DPP6: variants seen among roughly 807,000 people sequenced by gnomAD.
DPP6 encodes dipeptidyl peptidase like 6, also known as A-type potassium channel modulatory protein DPP6.
Under a neutral mutation model 122.6 loss-of-function variants are expected in DPP6, and 69 were observed. The ratio of observed to expected loss-of-function variants is 0.56; its 90% CI spans 0.46 to 0.69. DPP6 has a LOEUF of 0.69. DPP6 is among the 30% of genes least tolerant of loss of function. The probability of loss-of-function intolerance (pLI) is 0.00; values close to 1 mark genes in which losing one functional copy is unlikely to be tolerated. For synonymous variants in DPP6, 418 were observed against 433.1 expected, an observed-to-expected ratio of 0.97 and a Z score of 0.43; for missense variants, 928 against 1,116.9, an observed-to-expected ratio of 0.83 and a Z score of 2.41.
At chr7:153,816,895 A>G in the DPP6 span, among the ~76,000 whole-genome samples, 1 of 152,120 alleles carries the variant, frequency 6.6e-6, no homozygotes, top group African/African-American at 2.4e-5. Context: ...CCAACTGTAG[A>G]GCTGAGAACA....
At chr7:154,362,210 G>A (rs950355534) in intron 1 of DPP6, among the ~76,000 whole-genome samples, 23 of 152,334 alleles carry the variant, frequency 1.5e-4, no homozygotes, top group African/African-American at 5.1e-4. Flanking sequence ...ATACCAATAT[G>A]AGAGATGCAG....
chr7:153,976,858 G>A (rs1446011359), intron 1 of DPP6, among the ~76,000 whole-genome samples: 1 of 152,168 alleles, frequency 6.6e-6, no homozygotes. Flanking sequence ...AGGGACATCG[G>A]GGCTGCCACT....
At chr7:154,789,191 A>G (rs1484528410) in intron 10 of DPP6, among the ~76,000 whole-genome samples, 1 of 152,234 alleles carries the variant, frequency 6.6e-6, no homozygotes, top group African/African-American at 2.4e-5. Flanking sequence ...TCTGGAAGAC[A>G]GTCTAACCCA....
chr7:154,137,240 C>T (rs1795601453), intron 1 of DPP6, among the ~76,000 whole-genome samples: 1 of 152,118 alleles, frequency 6.6e-6, no homozygotes, highest in Admixed American at 6.5e-5. Context: ...TTTGGGGCCA[C>T]CTCTTTGCAT....
intron 1 of DPP6, among the ~76,000 whole-genome samples, chr7:154,411,858 C>CG (rs1366456008): frequency 3.3e-5 from 5 of 152,082 alleles, no homozygotes; most frequent in Non-Finnish European, 7.3e-5. Context: ...GAAGTAGTCT[C>CG]GGGCTAGGTA....
intron 1 of DPP6, among the ~76,000 whole-genome samples, chr7:154,249,134 G>A (rs1802187215): frequency 6.6e-6 from 1 of 152,142 alleles, no homozygotes; most frequent in Admixed American, 6.5e-5. Context: ...CTGCTTTTTT[G>A]TTACCATTTC....
intron 7 of DPP6, among the ~76,000 whole-genome samples, chr7:154,716,162 A>G (rs1310602627): frequency 1.3e-5 from 2 of 152,100 alleles, no homozygotes; most frequent in Non-Finnish European, 2.9e-5. Flanking sequence ...CTCAGCCGTC[A>G]TGGTGATATT....
At position 154,317,400 on chromosome 7, in the gene DPP6, A is replaced by G. The variant is rs995007176; in HGVS notation, c.244-128814A>G. ...TGGACAGAAAATAAGATAGAGTTGT[A>G]GCAATTAGTCTGCAGTTTTTGACTT... is the stretch of plus-strand genomic sequence containing the variant. On this transcript the variant is annotated intron_variant, in intron 1 of 25. Coordinates refer to ENST00000377770, the MANE Select transcript of DPP6 (RefSeq NM_130797.4). Among the ~76,000 whole-genome samples the G allele has an allele frequency of 5.3e-5, 8 of 152,222 alleles. No homozygotes were observed. In the South Asian group the frequency reaches 8.3e-4, roughly 16 times the overall value.
At chr7:154,559,828 C>T (rs953570245) in intron 4 of DPP6, among the ~76,000 whole-genome samples, 2 of 151,466 alleles carry the variant, frequency 1.3e-5, no homozygotes, top group African/African-American at 2.4e-5. Flanking sequence ...TCCCTTGAGC[C>T]TAGGAGTTTA....
intron 8 of DPP6, among the ~76,000 whole-genome samples, chr7:154,731,814 T>C (rs1182081639): frequency 1.3e-5 from 2 of 152,220 alleles, no homozygotes; most frequent in Admixed American, 6.5e-5. Flanking sequence ...AAACGTAAGA[T>C]GTTACTGAAG....
intron 5 of DPP6, among the ~76,000 whole-genome samples, chr7:154,630,021 TC>T (rs2130892601): frequency 6.6e-6 from 1 of 152,324 alleles, no homozygotes; most frequent in South Asian, 2.1e-4. Context: ...TTTATTCCTT[TC>T]TTGTGATTTG....
At chr7:154,179,222 G>T (rs1280585703) in intron 1 of DPP6, among the ~76,000 whole-genome samples, 2 of 152,174 alleles carry the variant, frequency 1.3e-5, no homozygotes, top group South Asian at 2.1e-4. Context: ...ACTCAGCATT[G>T]CATTCAAATT....
intron 3 of DPP6, among the ~76,000 whole-genome samples, chr7:154,485,234 A>G (rs1173750852): frequency 1.3e-5 from 2 of 152,232 alleles, no homozygotes; most frequent in Non-Finnish European, 2.9e-5. Flanking sequence ...TTTGGAGAGC[A>G]TAACAGTGAT....
chr7:154,483,125 G>A lies in DPP6; in HGVS notation c.457+8088G>A, dbSNP rs1048806811. Among the ~76,000 whole-genome samples, 1 of 152,162 alleles carries A rather than the reference G, an allele frequency of 6.6e-6. No individual in the cohort carries two copies. The highest frequency in any genetic ancestry group is 2.4e-5 in the African/African-American group (1 of 41,444). On this transcript the variant is annotated intron_variant, in intron 3 of 25. Transcript: ENST00000377770. This position sits in a 1 kb window ranked among gnomAD's most constrained non-coding sequence, Gnocchi z 8.1. ...GGGGAAGAGGGACACGGAGGTGTCT[G>A]AGGAAGTGTGGTCAGGGAGGCAGGA...
intron 21 of DPP6, chr7:154,883,923 C>T (rs901018462): frequency 5.0e-5 from 3 of 60,462 alleles, no homozygotes; most frequent in African/African-American, 8.8e-5. Flanking sequence ...CACACACGCT[C>T]ACACATACAC....
intron 1 of DPP6, among the ~76,000 whole-genome samples, chr7:154,020,202 G>A (rs1339524712): frequency 1.3e-5 from 2 of 152,026 alleles, no homozygotes; most frequent in African/African-American, 4.8e-5. Flanking sequence ...TCTGAATTCT[G>A]TGTCCATGTG....
chr7:153,847,040 A>T, the DPP6 span, among the ~76,000 whole-genome samples: 1 of 152,052 alleles, frequency 6.6e-6, no homozygotes, highest in Non-Finnish European at 1.5e-5. Context: ...TGACAATTTG[A>T]CTTGTTGCTT....
At chr7:154,420,291 G>C (rs552349912) in intron 1 of DPP6, among the ~76,000 whole-genome samples, 3 of 152,306 alleles carry the variant, frequency 2.0e-5, no homozygotes, top group Admixed American at 1.3e-4. Context: ...AGCCGAGATG[G>C]AGCCACTGCA....
At chr7:154,032,621 CTA>C (rs936499958) in intron 1 of DPP6, among the ~76,000 whole-genome samples, 4 of 152,070 alleles carry the variant, frequency 2.6e-5, no homozygotes, top group African/African-American at 4.8e-5. Flanking sequence ...ATATTTATAA[CTA>C]TGTTTCAAAA....
Sources: gnomAD v4.1 joint callset for allele counts (sites outside exome capture counted in the v4.1 genomes callset) on GRCh38, gnomAD v4.1.1 for gene constraint, Gnocchi (gnomAD v3.1) non-coding constraint, MANE v1.5 for transcripts, NCBI Gene and HGNC (gene_info 2026-07-23, HGNC 2026-07-21) for gene names.